DAPK1: variants seen among roughly 807,000 people sequenced by gnomAD.
The protein encoded by DAPK1 is death associated protein kinase 1, also known as death-associated protein kinase 1.
Under a neutral mutation model 144.9 loss-of-function variants are expected in DAPK1, and 56 were observed. The observed-to-expected ratio is 0.39, with a 90% CI of 0.31 to 0.48. The LOEUF is 0.48. Among genes scored for constraint, DAPK1 ranks in the 20% least tolerant of loss-of-function variants. The pLI, the probability that DAPK1 is intolerant of heterozygous loss-of-function variation, is 0.95. For synonymous variants in DAPK1, 690 were observed against 749.0 expected (o/e 0.92, Z 1.29); for missense variants, 1,454 against 1,875.4 (o/e 0.78, Z 4.15).
chr9:87,546,792 G>C (rs1421592195), intron 2 of DAPK1, among the ~76,000 whole-genome samples: 1 of 152,048 alleles, frequency 6.6e-6, no homozygotes, highest in East Asian at 1.9e-4. Flanking sequence ...TCTTTTAACA[G>C]AGGACTCCGA....
intron 2 of DAPK1, among the ~76,000 whole-genome samples, chr9:87,515,425 G>A: frequency 6.6e-6 from 1 of 152,216 alleles, no homozygotes; most frequent in Non-Finnish European, 1.5e-5. Flanking sequence ...AAATGAGTAA[G>A]TGGCAGAACT....
intron 2 of DAPK1, among the ~76,000 whole-genome samples, chr9:87,594,824 G>A (rs997981852): frequency 6.6e-6 from 1 of 152,236 alleles, no homozygotes; most frequent in Non-Finnish European, 1.5e-5. Context: ...CCTTTCACCA[G>A]TAGCCAGAAG....
At chr9:87,502,921 A>C (rs554958679) in intron 2 of DAPK1, among the ~76,000 whole-genome samples, 2 of 152,230 alleles carry the variant, frequency 1.3e-5, no homozygotes, top group East Asian at 1.9e-4. Flanking sequence ...TCTATGATCA[A>C]TATTGGGATT....
intron 2 of DAPK1, among the ~76,000 whole-genome samples, chr9:87,561,806 G>A (rs987843314): frequency 5.3e-5 from 8 of 152,204 alleles, no homozygotes; most frequent in African/African-American, 1.9e-4. Flanking sequence ...TTATCTGGCA[G>A]CTCCTCAGTG....
At chr9:87,582,471 C>G (rs1308038544) in intron 2 of DAPK1, among the ~76,000 whole-genome samples, 1 of 151,890 alleles carries the variant, frequency 6.6e-6, no homozygotes, top group Non-Finnish European at 1.5e-5. Flanking sequence ...TTGAGACTGA[C>G]GCACCTCCTC....
intron 3 of DAPK1, among the ~76,000 whole-genome samples, chr9:87,608,063 A>G (rs750912932): frequency 3.9e-5 from 6 of 152,144 alleles, no homozygotes; most frequent in Non-Finnish European, 5.9e-5. Context: ...TGAGACAACC[A>G]GATCTCCTGA....
Position 87,589,189 on chromosome 9 carries a change from G to A in DAPK1, c.63-15765G>A, listed in dbSNP as rs186491997. ...CTACCAAAGTGCTGGGATTACAGGC[G>A]TGAGCCACCGCAACCGGCCAGTACA... On this transcript the variant is annotated intron_variant, in intron 2 of 25. Transcript: ENST00000408954. 3.9e-3 allele frequency among the ~76,000 whole-genome samples: 592 copies of A among 151,348 alleles called. 6 individuals are homozygous for A. Among genetic ancestry groups the A allele is most frequent in the Non-Finnish European group, 4.3e-3 (292 of 67,928 alleles).
chr9:87,518,345 C>G (rs1425074733), intron 2 of DAPK1, among the ~76,000 whole-genome samples: 1 of 139,736 alleles, frequency 7.2e-6, no homozygotes, highest in African/African-American at 2.7e-5. Context: ...CCAGGGTAGT[C>G]TTGAACTCCT....
intron 1 of DAPK1, among the ~76,000 whole-genome samples, chr9:87,498,379 C>T (rs1388471491): frequency 1.3e-5 from 2 of 152,066 alleles, no homozygotes; most frequent in Non-Finnish European, 2.9e-5. Flanking sequence ...CTCGGTGGGC[C>T]GCTCCCTTCC....
chr9:87,685,432 G>A (rs948843329), intron 20 of DAPK1, among the ~76,000 whole-genome samples: 2 of 152,152 alleles, frequency 1.3e-5, no homozygotes, highest in Admixed American at 1.3e-4. Flanking sequence ...TTAGTGCCTC[G>A]CAATGTCTAT....
intron 2 of DAPK1, among the ~76,000 whole-genome samples, chr9:87,585,782 A>G (rs760113592): frequency 1.3e-5 from 2 of 152,208 alleles, no homozygotes; most frequent in Non-Finnish European, 2.9e-5. Context: ...GCCATCGAGC[A>G]CTTGAAGTAG....
chr9:87,528,927 C>T (rs956202313), intron 2 of DAPK1, among the ~76,000 whole-genome samples: 3 of 151,574 alleles, frequency 2.0e-5, no homozygotes, highest in East Asian at 3.9e-4. Context: ...CATTTTCTGC[C>T]GCACTATATA....
intron 2 of DAPK1, among the ~76,000 whole-genome samples, chr9:87,569,475 T>A (rs1266808492): frequency 6.6e-6 from 1 of 152,204 alleles, no homozygotes; most frequent in Non-Finnish European, 1.5e-5. Context: ...TTATTTCAAT[T>A]TGCAATTAAT....
At chr9:87,581,885 T>G (rs118003361) in intron 2 of DAPK1, among the ~76,000 whole-genome samples, 1 of 152,348 alleles carries the variant, frequency 6.6e-6, no homozygotes, top group Non-Finnish European at 1.5e-5. Flanking sequence ...TTATTCCCAC[T>G]CATTTTCTTT....
In DAPK1 at chr9:87,550,384, T is replaced by G. The variant is rs943474597; in HGVS notation, c.62+51245T>G. Among the ~76,000 whole-genome samples, 76 of 152,244 alleles carry G rather than the reference T, an allele frequency of 5.0e-4. 1 individual carries two copies. The highest frequency in any genetic ancestry group is 1.8e-4 in the Non-Finnish European group (12 of 68,044). Reference sequence around the variant, plus strand: ...ACTGTGTAGTTCAAACAAGAGAAATTTATTGCCTCACAGTTTGGGAAGCTG... The same window carrying G: ...ACTGTGTAGTTCAAACAAGAGAAATGTATTGCCTCACAGTTTGGGAAGCTG... On this transcript the variant is annotated intron_variant, in intron 2 of 25. Transcript: ENST00000408954.
intron 2 of DAPK1, among the ~76,000 whole-genome samples, chr9:87,583,795 A>G (rs542441166): frequency 1.2e-4 from 18 of 152,032 alleles, no homozygotes; most frequent in African/African-American, 4.3e-4. Flanking sequence ...CACCATGATA[A>G]CTCTTCAGCC....
chr9:87,678,818 G>A (rs758023960), intron 19 of DAPK1, among the ~76,000 whole-genome samples: 33 of 152,190 alleles, frequency 2.2e-4, no homozygotes, highest in Non-Finnish European at 2.1e-4. Flanking sequence ...CCTCAACATT[G>A]TGGGAACTAA....
chr9:87,504,903 G>C (rs1245216412), intron 2 of DAPK1, among the ~76,000 whole-genome samples: 1 of 152,174 alleles, frequency 6.6e-6, no homozygotes, highest in African/African-American at 2.4e-5. Flanking sequence ...GTCTGTATAT[G>C]TTCAGTACAG....
chr9:87,638,232 TAGGATACATGCCC>T, intron 4 of DAPK1, 151 bp downstream of exon 4: 2 of 789,044 alleles, frequency 2.5e-6, no homozygotes, highest in Non-Finnish European at 3.8e-6. Context: ...TCGGCAAGCA[TAGGATACATGCCC>T]CCCACTGGGA....
Sources: allele counts gnomAD v4.1 joint callset (sites outside exome capture counted in the v4.1 genomes callset), GRCh38; gene constraint gnomAD v4.1.1; transcripts MANE v1.5; gene names NCBI Gene and HGNC (gene_info 2026-07-23, HGNC 2026-07-21).